The following RAPGEF5 variants were observed in gnomAD, a reference collection of about 807,000 sequenced individuals.
The protein encoded by RAPGEF5 is Rap guanine nucleotide exchange factor 5.
RAPGEF5 carries 65 observed loss-of-function variants against 125.2 expected under a neutral mutation model. That is an observed-to-expected ratio of 0.52 (90% CI 0.43 to 0.64). The LOEUF is 0.64. RAPGEF5 is among the 30% of genes least tolerant of loss of function. RAPGEF5 has a pLI of 0.00. For missense variants in RAPGEF5, 958 were observed against 1,048.1 expected (o/e 0.91, Z 1.19); for synonymous variants, 391 against 385.9 (o/e 1.01, Z -0.16).
intron 1 of RAPGEF5, chr7:22,355,832 A>G (rs1330858079): frequency 2.1e-6 from 1 of 467,114 alleles, no homozygotes; most frequent in East Asian, 1.5e-4. Context: ...TGAAAGAGCT[A>G]GAAGTCTCCC....
At chr7:22,208,269 C>T (rs924423770) in intron 9 of RAPGEF5, among the ~76,000 whole-genome samples, 7 of 152,012 alleles carry the variant, frequency 4.6e-5, no homozygotes, top group African/African-American at 1.7e-4. Context: ...TTTTGCTCTA[C>T]TTATAAAAAA....
chr7:22,221,833 T>C (rs1349402784), intron 8 of RAPGEF5, among the ~76,000 whole-genome samples: 1 of 152,180 alleles, frequency 6.6e-6, no homozygotes, highest in Non-Finnish European at 1.5e-5. Context: ...GAGAGCAGAC[T>C]AATACAATAT....
chr7:22,319,802 T>G (rs1583576498), intron 1 of RAPGEF5, among the ~76,000 whole-genome samples: 1 of 151,760 alleles, frequency 6.6e-6, no homozygotes, highest in East Asian at 1.9e-4. Flanking sequence ...AGAAGCAAAA[T>G]AGTTTATATA....
intron 11 of RAPGEF5, among the ~76,000 whole-genome samples, chr7:22,177,474 A>G (rs2128119995): frequency 6.6e-6 from 1 of 152,378 alleles, no homozygotes; most frequent in South Asian, 2.1e-4. Context: ...AGGTAGCCAG[A>G]GTGGCTTCAA....
At chr7:22,278,405 C>T (rs996995277) in intron 6 of RAPGEF5, among the ~76,000 whole-genome samples, 1 of 152,092 alleles carries the variant, frequency 6.6e-6, no homozygotes, top group South Asian at 2.1e-4. Flanking sequence ...ATAATTTATA[C>T]TTATGTTAAT....
chr7:22,162,872 A>C, intron 12 of RAPGEF5: 1 of 470,032 alleles, frequency 2.1e-6, no homozygotes, highest in Non-Finnish European at 4.2e-6. Context: ...GACTCTAAGA[A>C]GAGAGCTAGC....
chr7:22,268,261 T>C (rs1782331776), intron 6 of RAPGEF5, among the ~76,000 whole-genome samples: 1 of 152,180 alleles, frequency 6.6e-6, no homozygotes, highest in Non-Finnish European at 1.5e-5. Context: ...GAAAATTACA[T>C]GGCAGTGAGA....
At chr7:22,155,953 A>T (rs1464184029) in intron 16 of RAPGEF5, among the ~76,000 whole-genome samples, 1 of 152,262 alleles carries the variant, frequency 6.6e-6, no homozygotes, top group Admixed American at 6.5e-5. Flanking sequence ...TCAGCAACGA[A>T]TGAATTAGGA....
intron 11 of RAPGEF5, among the ~76,000 whole-genome samples, chr7:22,189,052 T>A (rs1366788880): frequency 3.6e-4 from 46 of 126,122 alleles, no homozygotes; most frequent in Non-Finnish European, 3.8e-4. Context: ...CTCATGAAAT[T>A]AAAAAAAAAA....
At chr7:22,187,388 T>C (rs1784856661) in intron 11 of RAPGEF5, among the ~76,000 whole-genome samples, 1 of 152,204 alleles carries the variant, frequency 6.6e-6, no homozygotes, top group African/African-American at 2.4e-5. Context: ...CTCAAGACTT[T>C]AGAATCTCAT....
At chr7:22,215,728 T>C (rs1785621491) in intron 9 of RAPGEF5, among the ~76,000 whole-genome samples, 3 of 152,170 alleles carry the variant, frequency 2.0e-5, no homozygotes, top group Non-Finnish European at 2.9e-5. Flanking sequence ...TTGCAGCAAA[T>C]GCCAAAGCTC....
At chr7:22,151,458 CTTTTT>C (rs10609080) in intron 17 of RAPGEF5, among the ~76,000 whole-genome samples, 2 of 109,932 alleles carry the variant, frequency 1.8e-5, no homozygotes, top group African/African-American at 3.6e-5. Context: ...CTGATCATTA[CTTTTT>C]TTTTTTTTTT....
intron 7 of RAPGEF5, among the ~76,000 whole-genome samples, chr7:22,235,433 C>G (rs1265196493): frequency 1.3e-5 from 2 of 152,192 alleles, no homozygotes; most frequent in African/African-American, 4.8e-5. Context: ...GGTCAAACTG[C>G]ACATCAGCAA....
chr7:22,259,889 C>T (rs983434246), intron 7 of RAPGEF5, among the ~76,000 whole-genome samples: 36 of 152,192 alleles, frequency 2.4e-4, no homozygotes, highest in African/African-American at 6.5e-4. Flanking sequence ...TGAGCCACCA[C>T]GCCCAGCCCA....
intron 9 of RAPGEF5, among the ~76,000 whole-genome samples, chr7:22,214,757 C>T (rs1292185281): frequency 6.6e-6 from 1 of 151,602 alleles, no homozygotes; most frequent in East Asian, 1.9e-4. Flanking sequence ...GAGTGCATGC[C>T]CTCTTTCGAA....
intron 23 of RAPGEF5, among the ~76,000 whole-genome samples, chr7:22,131,588 G>T (rs1782916535): frequency 6.6e-6 from 1 of 152,134 alleles, no homozygotes; most frequent in African/African-American, 2.4e-5. Flanking sequence ...TTAAATTTTT[G>T]GTTCCCAAAG....
At chr7:22,173,416 C>T (rs938317751) in intron 11 of RAPGEF5, among the ~76,000 whole-genome samples, 1 of 152,168 alleles carries the variant, frequency 6.6e-6, no homozygotes, top group African/African-American at 2.4e-5. Context: ...TTTTCTTTAG[C>T]CATTCTAACA....
chr7:22,301,595 G>A (rs1216476342), intron 5 of RAPGEF5, among the ~76,000 whole-genome samples: 5 of 145,182 alleles, frequency 3.4e-5, no homozygotes, highest in Non-Finnish European at 7.5e-5. Flanking sequence ...AGTCTGGGTG[G>A]CAGAGTGAGA....
intron 6 of RAPGEF5, among the ~76,000 whole-genome samples, chr7:22,285,046 C>T (rs553758146): frequency 1.6e-4 from 25 of 152,274 alleles, no homozygotes; most frequent in Admixed American, 1.5e-3. Context: ...CGTGCCAGAA[C>T]GCTCACATCA....
Sources: gnomAD v4.1 joint callset for allele counts (sites outside exome capture counted in the v4.1 genomes callset) on GRCh38, gnomAD v4.1.1 for gene constraint, MANE v1.5 for transcripts, NCBI Gene and HGNC (gene_info 2026-07-23, HGNC 2026-07-21) for gene names.